The following ZNF432 variants were observed in gnomAD, a reference collection of about 807,000 sequenced individuals.
ZNF432 encodes zinc finger protein 432.
ZNF432 carries 10 observed loss-of-function variants against 13.9 expected under a neutral mutation model. The ratio of observed to expected loss-of-function variants is 0.72; its 90% confidence interval spans 0.44 to 1.22. The LOEUF is 1.22. Among genes scored for constraint, ZNF432 ranks in the 50% most tolerant of loss-of-function variants. ZNF432 has a pLI of 0.00. For synonymous variants in ZNF432, 247 were observed against 256.2 expected, an observed-to-expected ratio of 0.96 and a Z score of 0.34; for missense variants, 793 against 796.2, an observed-to-expected ratio of 1.00 and a Z score of 0.05.
At chr19:52,045,352 C>CT (rs11433756) in intron 2 of ZNF432, among the ~76,000 whole-genome samples, 28,058 of 107,502 alleles carry the variant, frequency 0.26, 5,699 homozygotes, top group African/African-American at 0.52. Flanking sequence ...CTTTTTTTAC[C>CT]TTTTTTTTTT....
At chr19:52,041,724 T>A in intron 2 of ZNF432, 118 bp from the exon 3 acceptor site, 3 of 1,183,936 alleles carry the variant, frequency 2.5e-6, no homozygotes, top group Non-Finnish European at 3.5e-6. Context: ...CATCTATAAG[T>A]CTATTGTATT....
At chr19:52,047,104 G>A (rs576337953) in intron 1 of ZNF432, 44 bp from the exon 2 acceptor site, 12 of 449,106 alleles carry the variant, frequency 2.7e-5, no homozygotes, top group Admixed American at 7.7e-5. Flanking sequence ...ACCTTAACAC[G>A]TGGCCCTGAA....
chr19:52,035,487 T>A (rs765978121), intron 4 of ZNF432, 47 bp from the exon 5 acceptor site: 4 of 1,394,814 alleles, frequency 2.9e-6, no homozygotes, highest in Non-Finnish European at 2.9e-6. Context: ...TTGTTGGGGA[T>A]AAAACTGTCT....
intron 3 of ZNF432, 79 bp downstream of exon 3, chr19:52,041,401 A>C: frequency 6.7e-7 from 1 of 1,488,642 alleles, no homozygotes; most frequent in South Asian, 1.4e-5. Flanking sequence ...CACTGCAGTA[A>C]CTTCCAAGGG....
intron 3 of ZNF432, among the ~76,000 whole-genome samples, chr19:52,040,877 T>C (rs1249919183): frequency 2.0e-5 from 3 of 150,924 alleles, no homozygotes; most frequent in African/African-American, 7.3e-5. Flanking sequence ...GAGGCTGACA[T>C]GAAACCAACA....
intron 1 of ZNF432, among the ~76,000 whole-genome samples, chr19:52,048,196 G>GCA: frequency 9.1e-6 from 1 of 110,334 alleles, no homozygotes; most frequent in Non-Finnish European, 2.0e-5. Context: ...ACCAGCCAGG[G>GCA]CTCTTGTGAA....
Position 52,033,890 on chromosome 19 carries a change from A to G in ZNF432, c.1789T>C (p.Tyr597His). ...HKQVHTGEKPYGCNECGKGFT... is the reference protein window; with the variant it reads ...HKQVHTGEKPHGCNECGKGFT... ...CCTTTACCACATTCATTACATCCAT[A>G]AGGTTTTTCTCCAGTATGAACTTGC... The change falls in exon 5 of 5, where the codon TAT becomes CAT. Residue 597 changes from tyrosine to histidine, a missense_variant. By Grantham distance (83) the Tyr-to-His change is moderately conservative (BLOSUM62 2). Coordinates refer to ENST00000221315, the MANE Select transcript of ZNF432 (RefSeq NM_014650.4). The G allele has an allele frequency of 6.2e-7, 1 of 1,613,920 alleles. No individual in the cohort carries two copies. The highest frequency in any genetic ancestry group is 1.1e-5 in the South Asian group (1 of 91,060).
In ZNF432 at chr19:52,034,420, T is replaced by A; in HGVS notation, c.1259A>T (p.Gln420Leu). 6.2e-7 allele frequency: 1 copy of A among 1,614,060 alleles called. No homozygotes were observed. Reference sequence around the variant, plus strand: ...TGACTTCTCTACTGTATGATTTCTCTGATGTACAATAAGATTACTCTTCCT... The same window carrying A: ...TGACTTCTCTACTGTATGATTTCTCAGATGTACAATAAGATTACTCTTCCT... The part of the protein sequence containing the change: ...FPRKSNLIVH[Q>L]RNHTVEKSYL... The change falls in exon 5 of 5, where the codon CAG becomes CTG. Residue 420 changes from glutamine to leucine, a missense_variant. Transcript: ENST00000221315.
At position 52,034,049 on chromosome 19, in the gene ZNF432, T is replaced by C. The variant is rs772400779; in HGVS notation, c.1630A>G (p.Ser544Gly). The C allele has an allele frequency of 6.2e-7, 1 of 1,614,224 alleles. No homozygotes were observed. The highest frequency in any genetic ancestry group is 1.1e-5 in the South Asian group (1 of 91,086). The change falls in exon 5 of 5, where the codon AGT (serine) becomes GGT (glycine). Residue 544 changes from serine to glycine, a missense_variant. Physicochemically the swap from Ser to Gly is moderately conservative, Grantham distance 56. Transcript: ENST00000221315. ...THTGEKPFMC[S>G]ECGKGFTMKR... ...ATGGTGAAGCCTTTTCCACATTCAC[T>C]GCACATAAAGGGTTTCTCTCCAGTA...
chr19:52,041,341 T>C (rs1369896170), intron 3 of ZNF432, 139 bp downstream of exon 3: 103 of 1,114,546 alleles, frequency 9.2e-5, no homozygotes, highest in Non-Finnish European at 1.3e-4. Context: ...GGTGACGGTA[T>C]ATCCTTTTAT....
chr19:52,034,645 T>C lies in ZNF432; in HGVS notation c.1034A>G (p.Tyr345Cys), dbSNP rs752403930. The change falls in exon 5 of 5, where the codon TAC (tyrosine) becomes TGC (cysteine). Residue 345 changes from tyrosine to cysteine, a missense_variant. Tyr to Cys is a radical substitution (Grantham distance 194, BLOSUM62 -2). Coordinates refer to ENST00000221315, the MANE Select transcript of ZNF432 (RefSeq NM_014650.4). Reference sequence around the variant, plus strand: ...GCCTTTCCCACATTCACTACAGATGTAGGGCTTCTCTCCTGTATGAGTTCG... The same window carrying C: ...GCCTTTCCCACATTCACTACAGATGCAGGGCTTCTCTCCTGTATGAGTTCG... ...HQRTHTGEKP[Y>C]ICSECGKGFT... The C allele has an allele frequency of 3.7e-6, 6 of 1,613,732 alleles. No homozygotes were observed. The highest frequency in any genetic ancestry group is 5.1e-6 in the Non-Finnish European group (6 of 1,179,850).
At chr19:52,045,281 C>T (rs2087170127) in intron 2 of ZNF432, among the ~76,000 whole-genome samples, 1 of 151,162 alleles carries the variant, frequency 6.6e-6, no homozygotes, top group African/African-American at 2.4e-5. Flanking sequence ...TGCTACCAAA[C>T]ATTTGTTGAA....
chr19:52,046,769 C>T (rs2087187384), intron 2 of ZNF432, 85 bp downstream of exon 2: 1 of 1,407,330 alleles, frequency 7.1e-7, no homozygotes, highest in Non-Finnish European at 9.8e-7. Flanking sequence ...AAGTTTATTT[C>T]TCTCTAGATT....
At chr19:52,046,007 C>CAAAAAAAAAA (rs201110474) in intron 2 of ZNF432, among the ~76,000 whole-genome samples, 2 of 87,080 alleles carry the variant, frequency 2.3e-5, no homozygotes, top group Non-Finnish European at 4.8e-5. Context: ...AAACAAAAAC[C>CAAAAAAAAAA]AAAAAAAAAA....
At position 52,035,274 on chromosome 19, in the gene ZNF432, T is replaced by G. The variant is rs927214849; in HGVS notation, c.405A>C (p.Lys135Asn). ...CTAAACTTAAATTTGATTTCAAAGT[T>G]TTTATATATAACTCAAATGTATCAT... ...ENHDTFELYI[K>N]TLKSNLSLVN... Residue 135 changes from lysine to asparagine, a missense_variant, in exon 5 of 5, where the codon AAA becomes AAC. Coordinates refer to ENST00000221315, the MANE Select transcript of ZNF432 (RefSeq NM_014650.4). 1 of 1,605,926 alleles carries G rather than the reference T, an allele frequency of 6.2e-7. No individual in the cohort carries two copies. Among genetic ancestry groups the G allele is most frequent in the African/African-American group, 1.3e-5 (1 of 74,318 alleles).
chr19:52,039,895 G>A (rs2087118237), intron 4 of ZNF432, among the ~76,000 whole-genome samples: 1 of 150,976 alleles, frequency 6.6e-6, no homozygotes, highest in African/African-American at 2.4e-5. Flanking sequence ...AGGGCTGGGG[G>A]CTTGGAAACA....
At chr19:52,044,172 A>G (rs11879112) in intron 2 of ZNF432, among the ~76,000 whole-genome samples, 38,733 of 152,072 alleles carry the variant, frequency 0.25, 7,888 homozygotes, top group African/African-American at 0.56. Flanking sequence ...AGACTTGCTG[A>G]AGTCTGCAAA....
Position 52,033,931 on chromosome 19 carries a change from T to C in ZNF432, c.1748A>G (p.Glu583Gly), listed in dbSNP as rs775235331. Reference sequence around the variant, plus strand: ...ATGAACTTGCTTATGTAAAGCAAGCTCTGTTTCCTTGGCAAAGCCTCTTCC... The same window carrying C: ...ATGAACTTGCTTATGTAAAGCAAGCCCTGTTTCCTTGGCAAAGCCTCTTCC... The part of the protein sequence containing the change: ...ECGRGFAKET[E>G]LALHKQVHTG... Residue 583 changes from glutamate to glycine, a missense_variant, in exon 5 of 5, where the codon GAG (glutamate) becomes GGG (glycine). By Grantham distance (98) the Glu-to-Gly change is moderately conservative (BLOSUM62 -2). Transcript: ENST00000221315. The C allele has an allele frequency of 1.2e-6, 2 of 1,613,862 alleles. No individual in the cohort carries two copies. The highest frequency in any genetic ancestry group is 1.7e-6 in the Non-Finnish European group (2 of 1,179,866).
chr19:52,034,493 T>C lies in ZNF432; in HGVS notation c.1186A>G (p.Thr396Ala), dbSNP rs1257941118. 1.9e-6 allele frequency: 3 copies of C among 1,613,984 alleles called. No homozygotes were observed. Among genetic ancestry groups the C allele is most frequent in the South Asian group, 1.1e-5 (1 of 91,076 alleles). The change falls in exon 5 of 5, where the codon ACA becomes GCA. Residue 396 changes from threonine (T) to alanine (A), a missense_variant. By Grantham distance (58) the Thr-to-Ala change is moderately conservative (BLOSUM62 0). Coordinates refer to ENST00000221315, the MANE Select transcript of ZNF432 (RefSeq NM_014650.4). ...CTGCATATGTAGGGTTTCTCTCCTGTATGAGTTCGTTGATGTTCGATCATA... is the reference window on the plus strand; with the variant it reads ...CTGCATATGTAGGGTTTCTCTCCTGCATGAGTTCGTTGATGTTCGATCATA... Reference protein sequence around the residue: ...SRMIEHQRTHTGEKPYICSEC... With the variant: ...SRMIEHQRTHAGEKPYICSEC...
Sources: gnomAD v4.1 joint callset for allele counts (sites outside exome capture counted in the v4.1 genomes callset) on GRCh38, gnomAD v4.1.1 for gene constraint, MANE v1.5 for transcripts, NCBI Gene and HGNC (gene_info 2026-07-23, HGNC 2026-07-21) for gene names.